The following DMD variants were observed in gnomAD, a reference collection of about 807,000 sequenced individuals.
DMD encodes dystrophin, also known as mutant dystrophin.
A neutral mutation model predicts 330.1 loss-of-function variants in DMD; 63 were observed. That is an observed-to-expected ratio of 0.19 (90% CI 0.16 to 0.24). DMD has a LOEUF of 0.24. Ranked by LOEUF, DMD falls within the 10% of genes least tolerant of loss-of-function variation. The pLI is 1.00. For missense variants in DMD, 3,344 were observed against 2,684.1 expected (o/e 1.25, Z -5.43); for synonymous variants, 1,223 against 959.8 (o/e 1.27, Z -5.07).
chrX:32,266,035 G>T (rs1401621882), intron 43 of DMD, among the ~76,000 whole-genome samples: 1 of 111,430 alleles, frequency 9.0e-6, no homozygotes, highest in African/African-American at 3.3e-5. Context: ...GGGATGAAAT[G>T]ATATGGTTTG....
intron 2 of DMD, among the ~76,000 whole-genome samples, chrX:32,963,241 G>GTAAAGGATAA (rs1268414140): frequency 1.8e-5 from 2 of 111,914 alleles, no homozygotes; most frequent in Non-Finnish European, 3.8e-5. Context: ...TTGGAAGGAG[G>GTAAAGGATAA]TAAAGGATAA....
intron 25 of DMD, among the ~76,000 whole-genome samples, chrX:32,459,539 T>C (rs1243398408): frequency 9.0e-6 from 1 of 111,187 alleles, no homozygotes; most frequent in Non-Finnish European, 1.9e-5. Context: ...TCCAGATACA[T>C]GTCTGATTGT....
At chrX:33,040,778 A>G (rs111318958) in intron 1 of DMD, among the ~76,000 whole-genome samples, 2 of 112,234 alleles carry the variant, frequency 1.8e-5, no homozygotes, top group African/African-American at 6.5e-5. Flanking sequence ...GACATCTAAC[A>G]TTCACTAAAA....
intron 67 of DMD, among the ~76,000 whole-genome samples, chrX:31,201,191 A>ACACACACACG (rs2043423702): frequency 1.1e-5 from 1 of 93,764 alleles, no homozygotes; most frequent in African/African-American, 3.9e-5. Flanking sequence ...ACACACACAC[A>ACACACACACG]CACACACGCA....
chrX:31,507,222 G>T (rs2071035876), intron 56 of DMD, 59 bp downstream of exon 56: 1 of 1,132,898 alleles, frequency 8.8e-7, no homozygotes, highest in Non-Finnish European at 1.2e-6. Flanking sequence ...CTAAGACAAT[G>T]AGGAAAATTT....
At chrX:31,919,068 A>G (rs1398123216) in intron 47 of DMD, among the ~76,000 whole-genome samples, 1 of 111,835 alleles carries the variant, frequency 8.9e-6, no homozygotes, top group African/African-American at 3.3e-5. Flanking sequence ...TTTGTTCTCA[A>G]TGAATAAGGG....
chrX:31,244,615 C>T lies in DMD; in HGVS notation c.9286+16340G>A, dbSNP rs754565809. Among the ~76,000 whole-genome samples the T allele has an allele frequency of 1.4e-4, 16 of 111,290 alleles. No individual in the cohort carries two copies. The South Asian group carries it at 3.4e-3, about 23-fold the overall frequency. Reference sequence around the variant, plus strand: ...TGGTACCCCAATAAACTGCAACTAGCGAAAAATAACATCTCTGAGGAACTA... The same window carrying T: ...TGGTACCCCAATAAACTGCAACTAGTGAAAAATAACATCTCTGAGGAACTA... On this transcript the variant is annotated intron_variant, in intron 63 of 78. Coordinates refer to ENST00000357033, the MANE Select transcript of DMD (RefSeq NM_004006.3).
At chrX:31,858,319 T>C (rs2093649086) in intron 48 of DMD, among the ~76,000 whole-genome samples, 1 of 111,837 alleles carries the variant, frequency 8.9e-6, no homozygotes, top group African/African-American at 3.2e-5. Context: ...TACTTTATGA[T>C]ATATTTTCAT....
chrX:32,104,100 A>G (rs1340407248), intron 44 of DMD, among the ~76,000 whole-genome samples: 1 of 111,412 alleles, frequency 9.0e-6, no homozygotes, highest in East Asian at 2.8e-4. Flanking sequence ...AGAACTGCTT[A>G]GCAAAAAGGA....
intron 60 of DMD, among the ~76,000 whole-genome samples, chrX:31,434,606 G>T (rs1012806634): frequency 9.0e-6 from 1 of 111,234 alleles, no homozygotes; most frequent in Admixed American, 9.6e-5. Context: ...GGGCAGAGAA[G>T]GTCTGTCTAT....
chrX:31,149,514 G>GA (rs1434556113), intron 74 of DMD, among the ~76,000 whole-genome samples: 1 of 112,072 alleles, frequency 8.9e-6, no homozygotes, highest in African/African-American at 3.2e-5. Flanking sequence ...GAATTACATT[G>GA]AATTCATAGG....
chrX:32,057,347 A>G (rs1327622966), intron 44 of DMD, among the ~76,000 whole-genome samples: 1 of 111,473 alleles, frequency 9.0e-6, no homozygotes, highest in Non-Finnish European at 1.9e-5. Flanking sequence ...TGCAAATTAG[A>G]TGATCTGATA....
chrX:32,394,916 C>CAAAACAAAAAAAAAAA (rs2098030291), intron 30 of DMD, among the ~76,000 whole-genome samples: 5 of 39,024 alleles, frequency 1.3e-4, no homozygotes, highest in Non-Finnish European at 1.5e-4. Flanking sequence ...AACAAAAAAA[C>CAAAACAAAAAAAAAAA]AAAAAAAAAA....
In DMD at chrX:31,506,543, C is replaced by T. The variant is rs745335085; in HGVS notation, c.8390+738G>A. Among the ~76,000 whole-genome samples the T allele has an allele frequency of 1.2e-3, 134 of 112,542 alleles. 1 individual carries two copies. Among genetic ancestry groups the T allele is most frequent in the Non-Finnish European group, 2.0e-3 (105 of 53,284 alleles). ...TAAGTTACAATGGGCGTTTTACTTA[C>T]TATCTCTATCCTTTTGTTCCTCCAC... On this transcript the variant is annotated intron_variant, in intron 56 of 78. Transcript: ENST00000357033.
chrX:32,358,638 T>C (rs756570274), intron 37 of DMD, among the ~76,000 whole-genome samples: 27 of 111,783 alleles, frequency 2.4e-4, no homozygotes, highest in Non-Finnish European at 4.9e-4. Flanking sequence ...CAAACATAAC[T>C]CCTTAGTAGT....
intron 49 of DMD, among the ~76,000 whole-genome samples, chrX:31,826,643 C>T (rs1005123882): frequency 2.7e-5 from 3 of 111,957 alleles, no homozygotes; most frequent in African/African-American, 9.7e-5. Flanking sequence ...TTAAGCAGTG[C>T]TCAATAGAAA....
chrX:31,138,815 C>T (rs1056518124), intron 76 of DMD, among the ~76,000 whole-genome samples: 1 of 111,229 alleles, frequency 9.0e-6, no homozygotes. Context: ...TCCCCTGACA[C>T]GTGGGGATTA....
chrX:32,610,347 G>C, intron 12 of DMD, among the ~76,000 whole-genome samples: 1 of 110,808 alleles, frequency 9.0e-6, no homozygotes, highest in East Asian at 2.9e-4. Context: ...AAAGAGTTTG[G>C]CTAGATTTAA....
chrX:31,575,553 T>G (rs908898739), intron 55 of DMD, among the ~76,000 whole-genome samples: 27 of 112,160 alleles, frequency 2.4e-4, no homozygotes, highest in African/African-American at 8.7e-4. Flanking sequence ...GGATTTTGAG[T>G]ACATATTTTA....
Sources: allele counts gnomAD v4.1 joint callset (sites outside exome capture counted in the v4.1 genomes callset), GRCh38; gene constraint gnomAD v4.1.1; transcripts MANE v1.5; gene names NCBI Gene and HGNC (gene_info 2026-07-23, HGNC 2026-07-21).